The following HIRIP3 variants were observed in gnomAD, a reference collection of about 807,000 sequenced individuals.
HIRIP3 encodes HIRA-interacting protein 3.
A neutral mutation model predicts 50.3 loss-of-function variants in HIRIP3; 40 were observed. The ratio of observed to expected loss-of-function variants is 0.79; its 90% CI spans 0.62 to 1.03. HIRIP3 has a LOEUF of 1.03. HIRIP3 is among the 50% of genes least tolerant of loss of function. The probability of loss-of-function intolerance (pLI) is 0.00; values close to 1 mark genes in which losing one functional copy is unlikely to be tolerated. For synonymous variants in HIRIP3, 318 were observed against 261.6 expected (o/e 1.22, Z -2.08); for missense variants, 765 against 705.4 (o/e 1.08, Z -0.96).
upstream of HIRIP3, chr16:29,995,723 GCC>G: frequency 7.6e-7 from 1 of 1,313,096 alleles, no homozygotes; most frequent in South Asian, 1.3e-5. Flanking sequence ...GGGACCGTTG[GCC>G]CTTGGCCGCG....
chr16:29,995,665 G>A (rs926362842), upstream of HIRIP3: 3 of 1,586,886 alleles, frequency 1.9e-6, no homozygotes, highest in Non-Finnish European at 1.7e-6. Context: ...CCGTCAGCGC[G>A]TTTGACAGCG....
At chr16:29,994,972 C>A (rs1435408441) in intron 3 of HIRIP3, 129 bp from the exon 4 acceptor site, 1 of 1,485,618 alleles carries the variant, frequency 6.7e-7, no homozygotes, top group East Asian at 2.3e-5. Context: ...TCTGTACTTG[C>A]TGTTCCCGGT....
chr16:29,994,998 C>T, intron 3 of HIRIP3, 105 bp downstream of exon 3: 1 of 1,480,836 alleles, frequency 6.8e-7, no homozygotes. Context: ...ACTCACTAGC[C>T]TTGCTCCCTC....
upstream of HIRIP3, chr16:29,995,946 C>T (rs1309937826): frequency 3.5e-6 from 2 of 564,560 alleles, no homozygotes; most frequent in Non-Finnish European, 6.3e-6. Context: ...GCTGTTATTT[C>T]GCAAGGCAGA....
In HIRIP3 at chr16:29,993,507, C is replaced by T; in HGVS notation, c.1459G>A (p.Ala487Thr). 1 of 1,613,908 alleles carries T rather than the reference C, an allele frequency of 6.2e-7. No individual in the cohort carries two copies. Among genetic ancestry groups the T allele is most frequent in the Non-Finnish European group, 8.5e-7 (1 of 1,179,850 alleles). ...ACATCCAAGGAGGCCACCTCAGCTG[C>T]CTCCTCCCTCTGCTCCTTCAGGGCC... ...CRALKEQREE[A>T]AEVASLDVAN... The change falls in exon 6 of 7, where the codon GCA becomes ACA. Residue 487 changes from alanine to threonine, a missense_variant. Ala to Thr is a moderately conservative substitution (Grantham distance 58). Coordinates refer to ENST00000279392, the MANE Select transcript of HIRIP3 (RefSeq NM_003609.5).
chr16:29,995,143 G>C lies in HIRIP3; in HGVS notation c.261C>G (p.Ser87Arg), dbSNP rs1271859519. The change falls in exon 3 of 7, where the codon AGC (serine) becomes AGG (arginine). Residue 87 changes from serine to arginine, a missense_variant. Transcript: ENST00000279392. ...KKGKRPPTPC[S>R]DPERKRFRFN... ...AGCGGAACCTTTTTCTCTCCGGGTC[G>C]CTACAAGGGGTGGGAGGCCTCTTGC... The C allele has an allele frequency of 6.2e-7, 1 of 1,614,240 alleles. No homozygotes were observed. Among genetic ancestry groups the C allele is most frequent in the Middle Eastern group, 1.6e-4 (1 of 6,062 alleles).
Position 29,993,973 on chromosome 16 carries a change from G to A in HIRIP3, c.1172C>T (p.Ser391Phe), listed in dbSNP as rs781187330. 4.5e-6 allele frequency: 7 copies of A among 1,564,258 alleles called. No individual in the cohort carries two copies. The South Asian group carries it at 8.4e-5, about 19-fold the overall frequency. ...GGAGCTTCGTGTCCTGCCTTTCCTG[G>A]AGCTCTTCTTGGAAGAGCGGTTCTT... is the stretch of plus-strand genomic sequence containing the variant. ...ERKNRSSKKSSRKGRTRSSSS... is the reference protein window; with the variant it reads ...ERKNRSSKKSFRKGRTRSSSS... Residue 391 changes from serine to phenylalanine, a missense_variant, in exon 4 of 7, where the codon TCC becomes TTC. Transcript: ENST00000279392.
rs1410989634 is a variant in HIRIP3 at position 29,995,344 on chromosome 16, T to C, written c.185A>G (p.Gln62Arg). 4 of 1,610,430 alleles carry C rather than the reference T, an allele frequency of 2.5e-6. No individual in the cohort carries two copies. In the Admixed American group the frequency reaches 5.0e-5, roughly 20 times the overall value. Residue 62 changes from glutamine to arginine, a missense_variant and splice_region_variant, in exon 2 of 7, where the codon CAG becomes CGG. Physicochemically the swap from Gln to Arg is conservative, Grantham distance 43 (BLOSUM62 1). Coordinates refer to ENST00000279392, the MANE Select transcript of HIRIP3 (RefSeq NM_003609.5). ...RLVEEELLKM[Q>R]VDEAASREDK... ...GGCCCAGGCTCCGGCCCGGCACACC[T>C]GCATCTTCAGCAGCTCCTCCTCCAC...
chr16:29,994,111 G>A lies in HIRIP3; in HGVS notation c.1034C>T (p.Thr345Ile). Reference protein sequence around the residue: ...DEEDSGKGEPTAKGSRKMARL... With the variant: ...DEEDSGKGEPIAKGSRKMARL... ...GGCCATCTTTCTAGAGCCTTTAGCTGTGGGTTCCCCCTTCCCACTGTCTTC... is the reference window on the plus strand; with the variant it reads ...GGCCATCTTTCTAGAGCCTTTAGCTATGGGTTCCCCCTTCCCACTGTCTTC... Residue 345 changes from threonine (T) to isoleucine (I), a missense_variant, in exon 4 of 7, where the codon ACA becomes ATA. Transcript: ENST00000279392. The A allele has an allele frequency of 6.2e-7, 1 of 1,613,988 alleles. No homozygotes were observed. Among genetic ancestry groups the A allele is most frequent in the Non-Finnish European group, 8.5e-7 (1 of 1,179,988 alleles).
chr16:29,996,077 C>G (rs1444675656), upstream of HIRIP3: 1 of 599,782 alleles, frequency 1.7e-6, no homozygotes, highest in African/African-American at 1.9e-5. Context: ...ATTTTTGTGG[C>G]GTCACCGCGT....
chr16:29,995,784 C>T (rs565869430), upstream of HIRIP3: 3 of 702,602 alleles, frequency 4.3e-6, no homozygotes, highest in Non-Finnish European at 7.1e-6. Flanking sequence ...TTTCTCTGGG[C>T]AGTTGGAGGG....
Position 29,995,552 on chromosome 16 carries a change from G to T in HIRIP3, c.54C>A (p.Arg18=), listed in dbSNP as rs898724670. ...QEFTRSFFRG[R]PDLSTLTHSI... is the part of the protein sequence containing the mutation. ...AACCCCCTGGGCACCTGAGGTCCGG[G>T]CGGCCTCGGAAGAAGCTACGGGTGA... The change falls in exon 1 of 7, where the codon CGC becomes CGA. Residue 18 remains arginine, a synonymous_variant. Coordinates refer to ENST00000279392, the MANE Select transcript of HIRIP3 (RefSeq NM_003609.5). The T allele has an allele frequency of 6.2e-7, 1 of 1,613,060 alleles. No individual in the cohort carries two copies.
chr16:29,995,922 G>A, upstream of HIRIP3: 1 of 569,840 alleles, frequency 1.8e-6, no homozygotes, highest in Non-Finnish European at 3.1e-6. Flanking sequence ...CTGGTCACGG[G>A]CAACAGCTAG....
rs765172291 is a variant in HIRIP3 at position 29,995,460 on chromosome 16, C to G, written c.69G>C (p.Thr23=). 6.2e-7 allele frequency: 1 copy of G among 1,613,490 alleles called. No homozygotes were observed. The change falls in exon 2 of 7, where the codon ACG becomes ACC. Residue 23 remains threonine (T), a synonymous_variant. Transcript: ENST00000279392. ...TCCGCCGCACGATGGAATGCGTAAG[C>G]GTGCTGCAGGGACATGGTGTCAGGA... ...SFFRGRPDLS[T]LTHSIVRRRY...
Position 29,994,958 on chromosome 16 carries a change from G to T in HIRIP3, c.302-115C>A, listed in dbSNP as rs996198646. On this transcript the variant is annotated intron_variant, in intron 3 of 6. Coordinates refer to ENST00000279392, the MANE Select transcript of HIRIP3 (RefSeq NM_003609.5). ...ACAGTTGGAGGGGCAGCAGGAAACAGCTATCTGTACTTGCTGTTCCCGGTT... is the reference window on the plus strand; with the variant it reads ...ACAGTTGGAGGGGCAGCAGGAAACATCTATCTGTACTTGCTGTTCCCGGTT... 8.7e-6 allele frequency: 13 copies of T among 1,487,166 alleles called. No individual in the cohort carries two copies. The African/African-American group carries it at 1.8e-4, about 21-fold the overall frequency. 92.1% of individuals were successfully genotyped at this position (1,487,166 alleles called of 1,614,324 possible).
Position 29,995,352 on chromosome 16 carries a change from C to CA in HIRIP3, c.176dup (p.Lys60GlufsTer6). 1 of 1,611,100 alleles carries CA rather than the reference C, an allele frequency of 6.2e-7. No individual in the cohort carries two copies. The highest frequency in any genetic ancestry group is 2.2e-5 in the East Asian group (1 of 44,868). On this transcript the variant is annotated frameshift_variant, in exon 2 of 7. Transcript: ENST00000279392. LOFTEE classifies it high-confidence loss of function. ...CTCCGGCCCGGCACACCTGCATCTTCAGCAGCTCCTCCTCCACCAGCCGCT... is the reference window on the plus strand; with the variant it reads ...CTCCGGCCCGGCACACCTGCATCTTCAAGCAGCTCCTCCTCCACCAGCCGCT...
chr16:29,993,595 C>T, intron 5 of HIRIP3, 38 bp from the exon 6 acceptor site: 1 of 1,611,612 alleles, frequency 6.2e-7, no homozygotes, highest in East Asian at 2.2e-5. Context: ...TCCTCCCCAG[C>T]AGGAAGGCCC....
rs781420621 is a variant in HIRIP3, at chr16:29,995,596, C to T, written c.10G>A (p.Glu4Lys). 33 of 1,612,312 alleles carry T rather than the reference C, an allele frequency of 2.0e-5. 2 individuals are homozygous for T. The highest frequency in any genetic ancestry group is 2.0e-4 in the Admixed American group (12 of 60,024). MAR[E>K]KEMQEFTRSF... Reference sequence around the variant, plus strand: ...CGGGTGAACTCCTGCATCTCCTTCTCCCGCGCCATTTTGCTCAACCCGGGA... The same window carrying T: ...CGGGTGAACTCCTGCATCTCCTTCTTCCGCGCCATTTTGCTCAACCCGGGA... The change falls in exon 1 of 7, where the codon GAG (glutamate) becomes AAG (lysine). Residue 4 changes from glutamate (E) to lysine (K), a missense_variant. Transcript: ENST00000279392.
At chr16:29,993,424 T>A (rs2070011184) in intron 6 of HIRIP3, 35 bp downstream of exon 6, 1 of 1,594,110 alleles carries the variant, frequency 6.3e-7, no homozygotes, top group Non-Finnish European at 8.6e-7. Context: ...CAACCCCACC[T>A]ATCTGCTCCT....
Sources: gnomAD v4.1 joint callset for allele counts on GRCh38, gnomAD v4.1.1 for gene constraint, MANE v1.5 for transcripts, NCBI Gene and HGNC (gene_info 2026-07-23, HGNC 2026-07-21) for gene names.